The following BMP6 variants were observed in gnomAD, a reference collection of about 807,000 sequenced individuals.
BMP6 encodes bone morphogenetic protein 6.
A neutral mutation model predicts 54.1 loss-of-function variants in BMP6; 17 were observed. The observed-to-expected ratio is 0.31, with a 90% CI of 0.22 to 0.47. The LOEUF (loss-of-function observed/expected upper bound fraction) is 0.47. BMP6 is among the 20% of genes least tolerant of loss of function. BMP6 has a pLI of 1.00. For missense variants in BMP6, 720 were observed against 690.4 expected, an observed-to-expected ratio of 1.04 and a Z score of -0.48; for synonymous variants, 328 against 291.2, an observed-to-expected ratio of 1.13 and a Z score of -1.28.
At chr6:7,844,709 A>G (rs1759032094) in intron 1 of BMP6, among the ~76,000 whole-genome samples, 1 of 152,126 alleles carries the variant, frequency 6.6e-6, no homozygotes, top group African/African-American at 2.4e-5. Context: ...AGGAGGGAAG[A>G]GTAGCCGGGA....
chr6:7,855,716 G>T (rs1389213837), intron 2 of BMP6, among the ~76,000 whole-genome samples: 1 of 151,446 alleles, frequency 6.6e-6, no homozygotes, highest in African/African-American at 2.4e-5. Flanking sequence ...TTTTGTAGAG[G>T]CAGGGTTTTG....
At chr6:7,807,493 C>A (rs1009092852) in intron 1 of BMP6, among the ~76,000 whole-genome samples, 21 of 152,088 alleles carry the variant, frequency 1.4e-4, no homozygotes, top group African/African-American at 2.4e-4. Context: ...GTTGGCCAGA[C>A]TGGTCTCGAA....
At chr6:7,753,477 C>G (rs960984084) in intron 1 of BMP6, among the ~76,000 whole-genome samples, 2 of 152,208 alleles carry the variant, frequency 1.3e-5, no homozygotes, top group African/African-American at 4.8e-5. Flanking sequence ...CTAGGTGATT[C>G]ATAGGCACAG....
At chr6:7,809,128 C>T (rs6902895) in intron 1 of BMP6, among the ~76,000 whole-genome samples, 1,078 of 90,472 alleles carry the variant, frequency 0.012, 10 homozygotes, top group African/African-American at 0.028. Context: ...AAAAAAAAAA[C>T]GCTTTTTAAA....
At chr6:7,816,817 T>C (rs1291294645) in intron 1 of BMP6, among the ~76,000 whole-genome samples, 2 of 152,168 alleles carry the variant, frequency 1.3e-5, no homozygotes, top group Admixed American at 1.3e-4. Flanking sequence ...AAAAAAACAC[T>C]ATGACATTAG....
At chr6:7,874,210 G>A (rs1759571137) in intron 4 of BMP6, among the ~76,000 whole-genome samples, 1 of 152,174 alleles carries the variant, frequency 6.6e-6, no homozygotes, top group Admixed American at 6.5e-5. Flanking sequence ...ACATTCATGG[G>A]CAGAATCCAG....
intron 1 of BMP6, among the ~76,000 whole-genome samples, chr6:7,792,667 G>A (rs1758127930): frequency 1.3e-5 from 2 of 152,210 alleles, no homozygotes; most frequent in South Asian, 4.1e-4. Context: ...TTCATGGATG[G>A]TCTGTAGGAA....
chr6:7,879,464 C>A (rs959623667), intron 5 of BMP6, among the ~76,000 whole-genome samples: 2 of 152,178 alleles, frequency 1.3e-5, no homozygotes, highest in African/African-American at 4.8e-5. Flanking sequence ...TTTATTTGGG[C>A]ATTTAAACAA....
At chr6:7,782,292 G>A (rs1004516511) in intron 1 of BMP6, among the ~76,000 whole-genome samples, 23 of 152,146 alleles carry the variant, frequency 1.5e-4, no homozygotes, top group Non-Finnish European at 2.9e-5. Flanking sequence ...GGGCATGCTC[G>A]TGTTGAGTTT....
rs66907363 is a variant in BMP6 at position 7,843,443 on chromosome 6, C to CT, written c.665-1683dup. Among the ~76,000 whole-genome samples the CT allele has an allele frequency of 4.3e-3, 578 of 135,962 alleles. 3 individuals carry two copies. Among genetic ancestry groups the CT allele is most frequent in the African/African-American group, 9.6e-3 (363 of 37,626 alleles). 89.2% of individuals were successfully genotyped at this position (135,962 alleles called of 152,430 possible). On this transcript the variant is annotated intron_variant, in intron 1 of 6. Coordinates refer to ENST00000283147, the MANE Select transcript of BMP6 (RefSeq NM_001718.6). ...CTCTTTTTTTTCTTTTCTTTTCTTT[C>CT]TTTTTTTTTTTTTTAAGAAGCTAAA... is the stretch of plus-strand genomic sequence containing the variant.
intron 4 of BMP6, among the ~76,000 whole-genome samples, chr6:7,874,191 T>G (rs1251097572): frequency 1.3e-5 from 2 of 152,162 alleles, no homozygotes; most frequent in Non-Finnish European, 2.9e-5. Context: ...CACACATCCC[T>G]TCTTCCCCAC....
intron 4 of BMP6, among the ~76,000 whole-genome samples, chr6:7,873,479 G>A (rs1221047529): frequency 2.6e-5 from 4 of 152,148 alleles, no homozygotes; most frequent in Non-Finnish European, 5.9e-5. Context: ...TCACCAACCT[G>A]GAAGCTCCAC....
At chr6:7,755,089 A>C (rs529816288) in intron 1 of BMP6, among the ~76,000 whole-genome samples, 7 of 152,338 alleles carry the variant, frequency 4.6e-5, no homozygotes, top group African/African-American at 1.7e-4. Context: ...GGTTTCTCAT[A>C]AATAACATAG....
At chr6:7,771,471 A>G (rs927603492) in intron 1 of BMP6, among the ~76,000 whole-genome samples, 1 of 152,372 alleles carries the variant, frequency 6.6e-6, no homozygotes, top group Admixed American at 6.5e-5. Flanking sequence ...TAGCACCCAC[A>G]TAAGGTAATT....
At chr6:7,742,269 A>G (rs1004591824) in intron 1 of BMP6, among the ~76,000 whole-genome samples, 14 of 152,216 alleles carry the variant, frequency 9.2e-5, no homozygotes, top group Non-Finnish European at 1.8e-4. Context: ...TTATGACTTT[A>G]ATAAGTATGA....
chr6:7,866,287 T>C (rs1267145616), intron 4 of BMP6, among the ~76,000 whole-genome samples: 1 of 152,252 alleles, frequency 6.6e-6, no homozygotes, highest in Non-Finnish European at 1.5e-5. Context: ...CTTTGCCCCA[T>C]TGGGGATTTT....
At chr6:7,743,050 T>C (rs545739736) in intron 1 of BMP6, among the ~76,000 whole-genome samples, 5 of 152,242 alleles carry the variant, frequency 3.3e-5, no homozygotes, top group East Asian at 3.9e-4. Flanking sequence ...ACCACAGAAG[T>C]AGCAAATATC....
At chr6:7,781,795 C>T (rs774563777) in intron 1 of BMP6, among the ~76,000 whole-genome samples, 2 of 151,440 alleles carry the variant, frequency 1.3e-5, no homozygotes, top group Admixed American at 1.3e-4. Context: ...GAACAAATGG[C>T]GCTTGGTCAG....
chr6:7,801,421 T>A (rs116660532), intron 1 of BMP6, among the ~76,000 whole-genome samples: 1,786 of 152,264 alleles, frequency 0.012, 37 homozygotes, highest in African/African-American at 0.04. Flanking sequence ...TCTGAATAAA[T>A]CCTTAAGAGC....
Sources: gnomAD v4.1 joint callset for allele counts (sites outside exome capture counted in the v4.1 genomes callset) on GRCh38, gnomAD v4.1.1 for gene constraint, MANE v1.5 for transcripts, NCBI Gene and HGNC (gene_info 2026-07-23, HGNC 2026-07-21) for gene names.